The following TAFA2 variants were observed in gnomAD, a reference collection of about 807,000 sequenced individuals.
TAFA2 encodes the protein chemokine-like protein TAFA-2.
A neutral mutation model predicts 18.8 loss-of-function variants in TAFA2; 7 were observed. That is an observed-to-expected ratio of 0.37 (90% CI 0.21 to 0.70). TAFA2 has a LOEUF of 0.70. TAFA2 is among the 30% of genes least tolerant of loss of function. The probability of loss-of-function intolerance (pLI) is 0.53; values close to 1 mark genes in which losing one functional copy is unlikely to be tolerated. For synonymous variants in TAFA2, 60 were observed against 54.2 expected (o/e 1.11, Z -0.47); for missense variants, 122 against 158.1 (o/e 0.77, Z 1.23).
chr12:62,257,963 A>G (rs879404140), intron 1 of TAFA2, among the ~76,000 whole-genome samples: 1 of 152,224 alleles, frequency 6.6e-6, no homozygotes, highest in Non-Finnish European at 1.5e-5. Context: ...TGAGATCACT[A>G]AAACGTTGAT....
At chr12:62,024,634 C>G (rs1371114167) in intron 1 of TAFA2, among the ~76,000 whole-genome samples, 25 of 152,066 alleles carry the variant, frequency 1.6e-4, no homozygotes, top group Admixed American at 1.6e-3. Flanking sequence ...AGCTAAAGAG[C>G]TTCTGCACAG....
At chr12:62,096,604 T>A (rs1592332863) in intron 1 of TAFA2, among the ~76,000 whole-genome samples, 1 of 152,144 alleles carries the variant, frequency 6.6e-6, no homozygotes, top group Admixed American at 6.5e-5. Context: ...CAGAATAAGA[T>A]AAATGACCAC....
chr12:62,245,927 A>T (rs1297815213), intron 1 of TAFA2, among the ~76,000 whole-genome samples: 1 of 150,280 alleles, frequency 6.7e-6, no homozygotes, highest in Non-Finnish European at 1.5e-5. Context: ...TCTTATATAT[A>T]TATAAGACCT....
At chr12:61,758,573 CA>C (rs1168600173) in intron 2 of TAFA2, among the ~76,000 whole-genome samples, 1 of 151,800 alleles carries the variant, frequency 6.6e-6, no homozygotes, top group African/African-American at 2.4e-5. Flanking sequence ...TACCTGATTT[CA>C]TCTATTTTTC....
intron 1 of TAFA2, among the ~76,000 whole-genome samples, chr12:61,983,548 C>T (rs1879714413): frequency 6.6e-6 from 1 of 152,158 alleles, no homozygotes; most frequent in African/African-American, 2.4e-5. Context: ...GCTGGGACTA[C>T]AGGCACGTGC....
intron 2 of TAFA2, among the ~76,000 whole-genome samples, chr12:61,821,165 A>ACACACACACAC (rs10667553): frequency 1.4e-5 from 2 of 145,902 alleles, no homozygotes; most frequent in African/African-American, 5.0e-5. Context: ...ACACACACAC[A>ACACACACACAC]ATTATTTGGA....
intron 1 of TAFA2, among the ~76,000 whole-genome samples, chr12:62,026,699 C>T (rs1881321072): frequency 6.6e-6 from 1 of 152,020 alleles, no homozygotes; most frequent in Non-Finnish European, 1.5e-5. Context: ...TTCTTTGTAT[C>T]TTCTATTTTT....
chr12:61,728,922 T>C (rs973444428), intron 4 of TAFA2, among the ~76,000 whole-genome samples: 1 of 152,106 alleles, frequency 6.6e-6, no homozygotes, highest in Non-Finnish European at 1.5e-5. Flanking sequence ...AACAATCTTA[T>C]AGTATTGGCT....
chr12:62,135,885 G>A (rs1870875533), intron 1 of TAFA2: 1 of 152,088 alleles, frequency 6.6e-6, no homozygotes. Flanking sequence ...ATAAATCTCA[G>A]GAGAAATCAT....
intron 2 of TAFA2, among the ~76,000 whole-genome samples, chr12:61,851,879 C>T (rs1192691901): frequency 1.4e-5 from 2 of 141,144 alleles, no homozygotes; most frequent in Non-Finnish European, 3.0e-5. Flanking sequence ...CACTTTAGCA[C>T]CTGGGTCGAC....
chr12:62,105,734 G>A (rs1183880327), intron 1 of TAFA2, among the ~76,000 whole-genome samples: 1 of 152,142 alleles, frequency 6.6e-6, no homozygotes, highest in Non-Finnish European at 1.5e-5. Context: ...TAAGTGCTCT[G>A]ATAAAGCACC....
chr12:61,785,594 G>T (rs1309764532), intron 2 of TAFA2, among the ~76,000 whole-genome samples: 1 of 151,382 alleles, frequency 6.6e-6, no homozygotes, highest in Non-Finnish European at 1.5e-5. Context: ...CACCTCTTAT[G>T]ACTTTATGAA....
chr12:61,814,030 A>G (rs1317903396), intron 2 of TAFA2, among the ~76,000 whole-genome samples: 3 of 151,532 alleles, frequency 2.0e-5, no homozygotes, highest in Admixed American at 1.3e-4. Context: ...AGAAGTTTAC[A>G]TTCGAGAAAA....
At chr12:62,016,756 TCAA>T (rs1880950179) in intron 1 of TAFA2, among the ~76,000 whole-genome samples, 1 of 151,718 alleles carries the variant, frequency 6.6e-6, no homozygotes, top group African/African-American at 2.4e-5. Flanking sequence ...AGTCAAACTG[TCAA>T]CAACATTTAT....
chr12:62,191,612 T>G lies in TAFA2; in HGVS notation c.-355A>C, dbSNP rs1471036597. 6.6e-6 allele frequency: 1 copy of G among 152,210 alleles called. No homozygotes were observed. The highest frequency in any genetic ancestry group is 2.4e-5 in the African/African-American group (1 of 41,436). The allele number at this position is 152,210 out of a possible 1,614,324, so 9.4% of individuals were successfully genotyped here. ...GTGTCAAAGTAATCAAAAGATTTGT[T>G]TACTGAGGAAAAGCCAAAGTCCCGC... On this transcript the variant is annotated 5_prime_UTR_variant, in exon 1 of 5. Transcript: ENST00000416284.
chr12:61,862,124 C>G (rs1360749418), intron 2 of TAFA2, among the ~76,000 whole-genome samples: 1 of 152,160 alleles, frequency 6.6e-6, no homozygotes, highest in Non-Finnish European at 1.5e-5. Flanking sequence ...AACATATTAG[C>G]CTCCTAAGAT....
intron 1 of TAFA2, among the ~76,000 whole-genome samples, chr12:62,066,305 G>T (rs1159543375): frequency 6.6e-6 from 1 of 151,784 alleles, no homozygotes; most frequent in Non-Finnish European, 1.5e-5. Context: ...TACTCTTTTA[G>T]TTATTCTTAA....
chr12:62,200,258 A>T lies in TAFA2; in HGVS notation c.-130+58505T>A, dbSNP rs182682856. 3.9e-5 allele frequency among the ~76,000 whole-genome samples: 6 copies of T among 152,234 alleles called. 1 individual carries two copies. In the East Asian group the frequency reaches 1.2e-3, roughly 29 times the overall value. On this transcript the variant is annotated intron_variant, in intron 1 of 5. Transcript: ENST00000551619. Reference sequence around the variant, plus strand: ...TGCTGTGTAGAAGCTCTTTGGTTTAATTAGATCCCATTTGTCAATTTTTCC... The same window carrying T: ...TGCTGTGTAGAAGCTCTTTGGTTTATTTAGATCCCATTTGTCAATTTTTCC...
At chr12:61,951,684 A>G (rs1349112122) in intron 1 of TAFA2, among the ~76,000 whole-genome samples, 1 of 152,054 alleles carries the variant, frequency 6.6e-6, no homozygotes, top group Non-Finnish European at 1.5e-5. Flanking sequence ...ATAGTGTATC[A>G]TTTTTTCTTT....
Sources: allele counts gnomAD v4.1 joint callset (sites outside exome capture counted in the v4.1 genomes callset), GRCh38; gene constraint gnomAD v4.1.1; transcripts MANE v1.5; gene names NCBI Gene and HGNC (gene_info 2026-07-23, HGNC 2026-07-21).